Variants in SAAL1 observed in about 807,000 individuals in gnomAD.
The protein encoded by SAAL1 is serum amyloid A like 1.
A neutral mutation model predicts 59.8 loss-of-function variants in SAAL1; 42 were observed. The observed-to-expected ratio is 0.70, with a 90% CI of 0.55 to 0.91. SAAL1 has a LOEUF of 0.91. SAAL1 is among the 40% of genes least tolerant of loss of function. The pLI, the probability that SAAL1 is intolerant of heterozygous loss-of-function variation, is 0.00. For missense variants in SAAL1, 542 were observed against 561.1 expected, an observed-to-expected ratio of 0.97 and a Z score of 0.34; for synonymous variants, 191 against 194.3, an observed-to-expected ratio of 0.98 and a Z score of 0.14.
chr11:18,082,088 C>G (rs1848416721), intron 10 of SAAL1, among the ~76,000 whole-genome samples: 2 of 152,172 alleles, frequency 1.3e-5, no homozygotes, highest in Non-Finnish European at 2.9e-5. Flanking sequence ...TAAGAATTTG[C>G]ATGACATAGC....
chr11:18,100,691 A>G (rs1848625126), intron 2 of SAAL1, among the ~76,000 whole-genome samples: 1 of 152,262 alleles, frequency 6.6e-6, no homozygotes. Flanking sequence ...CTATCTTTAA[A>G]AAGAAAAGAT....
rs758355452 is a variant in SAAL1, at chr11:18,086,954, T to C, written c.954A>G (p.Glu318=). 1.9e-5 allele frequency: 31 copies of C among 1,613,908 alleles called. No homozygotes were observed. Among genetic ancestry groups the C allele is most frequent in the Admixed American group, 1.8e-4 (11 of 60,010 alleles). Residue 318 remains glutamate, a synonymous_variant, in exon 9 of 12, where the codon GAA becomes GAG. Coordinates refer to ENST00000524803, the MANE Select transcript of SAAL1 (RefSeq NM_138421.3). ...AAACAGAGGCTAGCACTGTTTTCTG[T>C]TCTTGAAGAATGATGGGTGGATCAT... ...QSDDPPIILQ[E]QKTVLASVFS... is the part of the protein sequence containing the mutation.
At chr11:18,081,919 T>C (rs1420540265) in intron 10 of SAAL1, among the ~76,000 whole-genome samples, 1 of 152,180 alleles carries the variant, frequency 6.6e-6, no homozygotes, top group Non-Finnish European at 1.5e-5. Context: ...TGTTAGTTGA[T>C]CTCCTGCCCT....
intron 9 of SAAL1, among the ~76,000 whole-genome samples, chr11:18,085,577 A>G (rs1848455378): frequency 6.6e-6 from 1 of 152,228 alleles, no homozygotes; most frequent in Non-Finnish European, 1.5e-5. Flanking sequence ...AAAATGTCAG[A>G]AATTTTTTGT....
At chr11:18,089,542 A>G (rs1353315113) in intron 6 of SAAL1, 32 bp from the exon 7 acceptor site, 1 of 1,580,660 alleles carries the variant, frequency 6.3e-7, no homozygotes, top group Non-Finnish European at 8.6e-7. Context: ...TTGAAATGAA[A>G]AACAAACTGC....
At chr11:18,091,619 T>C (rs1848524406) in intron 4 of SAAL1, among the ~76,000 whole-genome samples, 1 of 152,202 alleles carries the variant, frequency 6.6e-6, no homozygotes, top group African/African-American at 2.4e-5. Flanking sequence ...AGATTCTGAT[T>C]AAAAGCCATG....
Position 18,086,945 on chromosome 11 carries a change from T to C in SAAL1, c.963A>G (p.Thr321=), listed in dbSNP as rs12363226. ...ACACTGAAAAAACAGAGGCTAGCAC[T>C]GTTTTCTGTTCTTGAAGAATGATGG... is the stretch of plus-strand genomic sequence containing the variant. ...DPPIILQEQK[T]VLASVFSVLS... The change falls in exon 9 of 12, where the codon ACA becomes ACG. Residue 321 remains threonine (T), a synonymous_variant. Coordinates refer to ENST00000524803, the MANE Select transcript of SAAL1 (RefSeq NM_138421.3). 377,464 of 1,613,306 alleles carry C rather than the reference T, an allele frequency of 0.23. 47,075 individuals are homozygous for C. The highest frequency in any genetic ancestry group is 0.26 in the Non-Finnish European group (301,639 of 1,179,316).
intron 10 of SAAL1, 46 bp downstream of exon 10, chr11:18,083,489 C>A: frequency 3.5e-6 from 4 of 1,139,360 alleles, no homozygotes; most frequent in Non-Finnish European, 3.7e-6. Context: ...CGTTAAGCAA[C>A]CCACACTTTC....
In SAAL1 at chr11:18,081,396, T is replaced by G; in HGVS notation, c.1332+15A>C. The G allele has an allele frequency of 6.3e-7, 1 of 1,595,398 alleles. No individual in the cohort carries two copies. The highest frequency in any genetic ancestry group is 8.6e-7 in the Non-Finnish European group (1 of 1,164,794). Reference sequence around the variant, plus strand: ...TACAAAACTTGGCCACCTATATACATTTACCCATACTCACCACAGGGCTAT... The same window carrying G: ...TACAAAACTTGGCCACCTATATACAGTTACCCATACTCACCACAGGGCTAT... On this transcript the variant is annotated intron_variant, in intron 11 of 11. Coordinates refer to ENST00000524803, the MANE Select transcript of SAAL1 (RefSeq NM_138421.3).
rs950809966 is a variant in SAAL1, at chr11:18,089,142, T to G, written c.770+188A>C. Among the ~76,000 whole-genome samples the G allele has an allele frequency of 2.0e-5, 3 of 152,314 alleles. No individual in the cohort carries two copies. In the East Asian group the frequency reaches 5.8e-4, roughly 29 times the overall value. On this transcript the variant is annotated intron_variant, in intron 7 of 11. Coordinates refer to ENST00000524803, the MANE Select transcript of SAAL1 (RefSeq NM_138421.3). ...TGTTGAGTAACAGCCTATAGCTAAA[T>G]GATAATATAACAGGAACTTTGTAAC...
intron 9 of SAAL1, 118 bp downstream of exon 9, chr11:18,086,743 TAATAA>T: frequency 2.1e-6 from 1 of 485,688 alleles, no homozygotes; most frequent in East Asian, 3.5e-5. Flanking sequence ...ATAAATATGA[TAATAA>T]AATAAATTTT....
At chr11:18,088,125 TGAA>T (rs1848485324) in intron 7 of SAAL1, among the ~76,000 whole-genome samples, 2 of 152,200 alleles carry the variant, frequency 1.3e-5, no homozygotes, top group African/African-American at 4.8e-5. Context: ...CTGGTTCAGT[TGAA>T]GAAGTGACGC....
At chr11:18,084,915 G>A (rs944106025) in intron 9 of SAAL1, among the ~76,000 whole-genome samples, 25 of 152,060 alleles carry the variant, frequency 1.6e-4, no homozygotes, top group African/African-American at 5.1e-4. Flanking sequence ...ACAGGCATGC[G>A]TCACCAAGCC....
rs1300831284 is a variant in SAAL1 at position 18,090,373 on chromosome 11, C to CT, written c.473+60dup. ...AGGAAATTCGAAAATAAAAAATTAACTTTTTTTTCTTATCTACTCTTATGA... is the reference window on the plus strand; with the variant it reads ...AGGAAATTCGAAAATAAAAAATTAACTTTTTTTTTCTTATCTACTCTTATGA... On this transcript the variant is annotated intron_variant, in intron 5 of 11. Transcript: ENST00000524803. 5 of 1,545,358 alleles carry CT rather than the reference C, an allele frequency of 3.2e-6. No individual in the cohort carries two copies. The African/African-American group carries it at 4.3e-5, about 13-fold the overall frequency.
At chr11:18,080,518 T>C in intron 11 of SAAL1, 27 bp from the exon 12 acceptor site, 2 of 1,486,788 alleles carry the variant, frequency 1.3e-6, no homozygotes, top group South Asian at 1.2e-5. Flanking sequence ...CAAACAAAAA[T>C]CAAACACAGA....
intron 1 of SAAL1, among the ~76,000 whole-genome samples, chr11:18,103,817 G>A (rs74789734): frequency 0.014 from 2,135 of 152,312 alleles, 19 homozygotes; most frequent in Non-Finnish European, 0.022. Context: ...CAATAATTAT[G>A]TGGTAGGAAA....
chr11:18,099,049 T>C (rs1379442427), intron 2 of SAAL1, among the ~76,000 whole-genome samples: 2 of 151,294 alleles, frequency 1.3e-5, no homozygotes, highest in Non-Finnish European at 2.9e-5. Context: ...GATTATACAG[T>C]CTCAGCAGAG....
Position 18,089,407 on chromosome 11 carries a change from G to T in SAAL1, c.693C>A (p.Asp231Glu), listed in dbSNP as rs1454390901. The change falls in exon 7 of 12, where the codon GAC (aspartate) becomes GAA (glutamate). Residue 231 changes from aspartate (D) to glutamate (E), a missense_variant. Physicochemically the swap from Asp to Glu is conservative, Grantham distance 45 (BLOSUM62 2). Coordinates refer to ENST00000524803, the MANE Select transcript of SAAL1 (RefSeq NM_138421.3). ...GCTCTTCAGACTCTTCCTGGGGTTG[G>T]TCCAGAGGCTGAGCAGCCCCATTTC... is the stretch of plus-strand genomic sequence containing the variant. Reference protein sequence around the residue: ...WVRNGAAQPLDQPQEESEEQP... With the variant: ...WVRNGAAQPLEQPQEESEEQP... 1.2e-6 allele frequency: 2 copies of T among 1,610,840 alleles called. No individual in the cohort carries two copies. The highest frequency in any genetic ancestry group is 1.7e-6 in the Non-Finnish European group (2 of 1,178,874).
intron 11 of SAAL1, among the ~76,000 whole-genome samples, chr11:18,080,922 A>AT (rs1848402890): frequency 6.6e-6 from 1 of 152,036 alleles, no homozygotes. Context: ...TTCAGAGCTT[A>AT]TTTTTTTCCT....
Sources: gnomAD v4.1 joint callset for allele counts (sites outside exome capture counted in the v4.1 genomes callset) on GRCh38, gnomAD v4.1.1 for gene constraint, MANE v1.5 for transcripts, NCBI Gene and HGNC (gene_info 2026-07-23, HGNC 2026-07-21) for gene names.